The following DAP variants were observed in gnomAD, a reference collection of about 807,000 sequenced individuals.
DAP encodes death-associated protein 1.
In DAP, 8 loss-of-function variants were observed where a neutral mutation model predicts 13.8. The observed-to-expected ratio is 0.58, with a 90% CI of 0.34 to 1.05. The LOEUF (loss-of-function observed/expected upper bound fraction) is 1.05, where lower values mean the gene tolerates loss of function less well. Ranked by LOEUF, DAP falls within the 50% of genes least tolerant of loss-of-function variation. The pLI is 0.03. For missense variants in DAP, 106 were observed against 133.2 expected, an observed-to-expected ratio of 0.80 and a Z score of 1.01; for synonymous variants, 47 against 47.5, an observed-to-expected ratio of 0.99 and a Z score of 0.04.
chr5:10,689,492 G>A (rs764159027), intron 2 of DAP, among the ~76,000 whole-genome samples: 10 of 152,186 alleles, frequency 6.6e-5, no homozygotes, highest in Admixed American at 3.3e-4. Flanking sequence ...CCAAATTCAC[G>A]GAGATAGCTC....
At chr5:10,728,466 A>C (rs1410016028) in intron 2 of DAP, among the ~76,000 whole-genome samples, 1 of 152,218 alleles carries the variant, frequency 6.6e-6, no homozygotes, top group Admixed American at 6.5e-5. Context: ...GACCAAGACT[A>C]TGTTCTTTTG....
Position 10,748,288 on chromosome 5 carries a change from G to C in DAP, c.56-17C>G, listed in dbSNP as rs375647907. On this transcript the variant is annotated splice_polypyrimidine_tract_variant and intron_variant, in intron 1 of 3. Coordinates refer to ENST00000230895, the MANE Select transcript of DAP (RefSeq NM_004394.3). ...CAGCTTTCACTGAAATGAAAACAGA[G>C]AGTGTGGGATTAATGTGGAAATGGG... 5 of 1,608,654 alleles carry C rather than the reference G, an allele frequency of 3.1e-6. No homozygotes were observed. Among genetic ancestry groups the C allele is most frequent in the Admixed American group, 3.3e-5 (2 of 60,012 alleles).
At chr5:10,686,557 C>G (rs1400038119) in intron 2 of DAP, among the ~76,000 whole-genome samples, 2 of 152,110 alleles carry the variant, frequency 1.3e-5, no homozygotes, top group Non-Finnish European at 2.9e-5. Flanking sequence ...TTCGAGTGGT[C>G]TGGATAAAAG....
chr5:10,747,356 G>T (rs1380029279), intron 2 of DAP, among the ~76,000 whole-genome samples: 1 of 152,230 alleles, frequency 6.6e-6, no homozygotes, highest in African/African-American at 2.4e-5. Flanking sequence ...TAGGTGTTGA[G>T]CAGGGGAGGA....
At chr5:10,745,307 C>T (rs761084237) in intron 2 of DAP, among the ~76,000 whole-genome samples, 79 of 152,320 alleles carry the variant, frequency 5.2e-4, no homozygotes, top group East Asian at 2.3e-3. Flanking sequence ...GTTTAACCCA[C>T]AGCAGTAAAC....
intron 1 of DAP, among the ~76,000 whole-genome samples, chr5:10,758,612 G>A (rs995803911): frequency 6.6e-6 from 1 of 152,188 alleles, no homozygotes; most frequent in Non-Finnish European, 1.5e-5. Flanking sequence ...TGATGCTGAA[G>A]CGGGACGTGA....
chr5:10,708,417 C>G (rs1292541087), intron 2 of DAP, among the ~76,000 whole-genome samples: 1 of 148,658 alleles, frequency 6.7e-6, no homozygotes, highest in Non-Finnish European at 1.5e-5. Flanking sequence ...TACACGCACA[C>G]AGGCATACAC....
At chr5:10,704,888 G>A (rs1738662740) in intron 2 of DAP, among the ~76,000 whole-genome samples, 1 of 152,122 alleles carries the variant, frequency 6.6e-6, no homozygotes, top group Non-Finnish European at 1.5e-5. Context: ...TCGAGGGAAT[G>A]GGAGGAAGTG....
chr5:10,700,732 G>T (rs1738556532), intron 2 of DAP, among the ~76,000 whole-genome samples: 1 of 152,210 alleles, frequency 6.6e-6, no homozygotes, highest in South Asian at 2.1e-4. Flanking sequence ...GATGGGGCCG[G>T]CCTTGCTGCG....
intron 1 of DAP, among the ~76,000 whole-genome samples, chr5:10,758,529 C>T (rs1292338677): frequency 1.3e-5 from 2 of 152,146 alleles, no homozygotes; most frequent in African/African-American, 2.4e-5. Flanking sequence ...CAAGAGCTCA[C>T]CCCGTAAGTC....
At chr5:10,735,970 A>G (rs1360732400) in intron 2 of DAP, among the ~76,000 whole-genome samples, 1 of 152,204 alleles carries the variant, frequency 6.6e-6, no homozygotes, top group Non-Finnish European at 1.5e-5. Flanking sequence ...TGCAGATGTA[A>G]TTAGTTAAGA....
chr5:10,742,924 ACCATCCATCCAT>A (rs369437281), intron 2 of DAP, among the ~76,000 whole-genome samples: 3 of 134,188 alleles, frequency 2.2e-5, no homozygotes, highest in African/African-American at 5.7e-5. Context: ...GTTTGTATCT[ACCATCCATCCAT>A]CCATCCATCC....
chr5:10,684,715 A>AT (rs1291568437), intron 2 of DAP, among the ~76,000 whole-genome samples: 3 of 152,248 alleles, frequency 2.0e-5, no homozygotes, highest in East Asian at 1.9e-4. Flanking sequence ...CTGTACACTT[A>AT]TTTTTTATGG....
chr5:10,744,104 C>T (rs1303611912), intron 2 of DAP, among the ~76,000 whole-genome samples: 1 of 152,046 alleles, frequency 6.6e-6, no homozygotes, highest in Non-Finnish European at 1.5e-5. Context: ...GTAATCAGTA[C>T]TTGATTTTCC....
intron 3 of DAP, chr5:10,683,017 A>C (rs1031063323): frequency 1.1e-5 from 2 of 183,454 alleles, no homozygotes; most frequent in Non-Finnish European, 2.2e-5. Context: ...TATTTTCCAG[A>C]GGGATCAATG....
At position 10,682,068 on chromosome 5, in the gene DAP, AAC is replaced by A. The variant is rs1450752480; in HGVS notation, c.196-901_196-900del. Reference sequence around the variant, plus strand: ...TTTGTGGGTGAGGAAGCCCCAGGCCAACGCCCACCAGCGTCCCTGCAAGAAGC... The same window carrying A: ...TTTGTGGGTGAGGAAGCCCCAGGCCAGCCCACCAGCGTCCCTGCAAGAAGC... On this transcript the variant is annotated intron_variant, in intron 3 of 3. Coordinates refer to ENST00000230895, the MANE Select transcript of DAP (RefSeq NM_004394.3). Among the ~76,000 whole-genome samples the A allele has an allele frequency of 6.8e-4, 103 of 151,154 alleles. No individual in the cohort carries two copies. In the Middle Eastern group the frequency reaches 0.014, roughly 20 times the overall value.
At chr5:10,723,015 T>C (rs1006160108) in intron 2 of DAP, among the ~76,000 whole-genome samples, 2 of 152,190 alleles carry the variant, frequency 1.3e-5, no homozygotes, top group Admixed American at 6.5e-5. Flanking sequence ...GTCCAGCCAT[T>C]AGAAGGGACA....
intron 2 of DAP, among the ~76,000 whole-genome samples, chr5:10,703,630 C>G (rs1738633057): frequency 6.6e-6 from 1 of 152,232 alleles, no homozygotes; most frequent in Non-Finnish European, 1.5e-5. Context: ...TAAGAAGTTG[C>G]TATAAATATG....
chr5:10,746,322 GT>G (rs954556904), intron 2 of DAP, among the ~76,000 whole-genome samples: 8 of 138,544 alleles, frequency 5.8e-5, no homozygotes, highest in Admixed American at 2.2e-4. Flanking sequence ...TAATTCTAGC[GT>G]TTTTTTTTTG....
Sources: allele counts gnomAD v4.1 joint callset (sites outside exome capture counted in the v4.1 genomes callset), GRCh38; gene constraint gnomAD v4.1.1; transcripts MANE v1.5; gene names NCBI Gene and HGNC (gene_info 2026-07-23, HGNC 2026-07-21).